NR6A1: variants seen among roughly 807,000 people sequenced by gnomAD.
NR6A1 encodes retinoic acid receptor-related testis-associated receptor.
A neutral mutation model predicts 59.1 loss-of-function variants in NR6A1; 7 were observed. The observed-to-expected ratio is 0.12, with a 90% confidence interval of 0.07 to 0.22. The LOEUF is 0.22. NR6A1 is among the 10% of genes least tolerant of loss of function. The pLI is 1.00. For synonymous variants in NR6A1, 243 were observed against 236.1 expected (o/e 1.03, Z -0.27); for missense variants, 468 against 611.6 (o/e 0.77, Z 2.48).
At chr9:124,761,372 G>A (rs1260667370) in intron 1 of NR6A1, among the ~76,000 whole-genome samples, 1 of 152,128 alleles carries the variant, frequency 6.6e-6, no homozygotes, top group Admixed American at 6.5e-5. Flanking sequence ...GTTCTGATGC[G>A]GTAACTCCTT....
intron 4 of NR6A1, among the ~76,000 whole-genome samples, 155 bp from the exon 5 acceptor site, chr9:124,540,342 G>A (rs79496241): frequency 0.01 from 1,582 of 152,204 alleles, 27 homozygotes; most frequent in African/African-American, 0.036. Context: ...ATCTTAGGAC[G>A]GCGTGGCTTC....
chr9:124,747,330 G>C (rs1410276997), intron 1 of NR6A1, among the ~76,000 whole-genome samples: 1 of 151,870 alleles, frequency 6.6e-6, no homozygotes, highest in Non-Finnish European at 1.5e-5. Flanking sequence ...GAGTAGCTGG[G>C]ACTACAATCA....
intron 2 of NR6A1, among the ~76,000 whole-genome samples, chr9:124,714,285 G>A (rs936395570): frequency 1.4e-4 from 22 of 152,184 alleles, no homozygotes; most frequent in Admixed American, 4.6e-4. Context: ...TGCAATATGA[G>A]AAGAGTTATG....
chr9:124,683,789 A>G (rs1439224391), intron 2 of NR6A1, among the ~76,000 whole-genome samples: 1 of 152,250 alleles, frequency 6.6e-6, no homozygotes, highest in East Asian at 1.9e-4. Flanking sequence ...GTGAAACTCC[A>G]TCTCAAAAAT....
chr9:124,519,079 A>G lies in NR6A1; in HGVS notation c.*3626T>C, dbSNP rs932634647. The G allele has an allele frequency of 3.3e-5, 5 of 152,242 alleles. No individual in the cohort carries two copies. The highest frequency in any genetic ancestry group is 5.9e-5 in the Non-Finnish European group (4 of 68,056). 9.4% of individuals were successfully genotyped at this position (152,242 alleles called of 1,614,324 possible). On this transcript the variant is annotated 3_prime_UTR_variant, in exon 10 of 10. Transcript: ENST00000487099. ...AAATGTAGGAAATGGGTAACAGAGC[A>G]ATGCACCTAGCTCAGAGCCCAGGAT...
At chr9:124,559,919 T>C (rs1485770830) in intron 2 of NR6A1, among the ~76,000 whole-genome samples, 1 of 152,256 alleles carries the variant, frequency 6.6e-6, no homozygotes, top group Admixed American at 6.5e-5. Flanking sequence ...TAATATCATT[T>C]AAGACTGAAT....
At chr9:124,747,586 A>T (rs1840371518) in intron 1 of NR6A1, among the ~76,000 whole-genome samples, 1 of 152,120 alleles carries the variant, frequency 6.6e-6, no homozygotes, top group Non-Finnish European at 1.5e-5. Flanking sequence ...CAGGATAAAT[A>T]ACCCATAGGC....
chr9:124,538,029 A>G, intron 6 of NR6A1, 63 bp downstream of exon 6: 1 of 1,375,948 alleles, frequency 7.3e-7, no homozygotes, highest in Non-Finnish European at 1.0e-6. Flanking sequence ...CAGGGACGCG[A>G]GTGGGTGTGG....
At chr9:124,665,483 C>T (rs1262860380) in intron 2 of NR6A1, among the ~76,000 whole-genome samples, 1 of 152,156 alleles carries the variant, frequency 6.6e-6, no homozygotes. Context: ...ACCACTCTCT[C>T]ATATAAAAAC....
chr9:124,546,313 G>A (rs1833599341), intron 3 of NR6A1, among the ~76,000 whole-genome samples: 1 of 152,188 alleles, frequency 6.6e-6, no homozygotes, highest in Admixed American at 6.5e-5. Flanking sequence ...AAACTAAAGA[G>A]CAGAATCAGG....
intron 2 of NR6A1, among the ~76,000 whole-genome samples, chr9:124,594,302 C>G (rs986795922): frequency 6.6e-6 from 1 of 152,184 alleles, no homozygotes; most frequent in Non-Finnish European, 1.5e-5. Context: ...CTAAGAAGAA[C>G]TGAAGTTTCA....
chr9:124,632,569 T>C (rs1017391433), intron 2 of NR6A1, among the ~76,000 whole-genome samples: 6 of 152,222 alleles, frequency 3.9e-5, no homozygotes, highest in Admixed American at 2.6e-4. Context: ...TAGACCTTTG[T>C]CAGATTACTG....
intron 1 of NR6A1, among the ~76,000 whole-genome samples, chr9:124,737,650 G>A (rs1282150415): frequency 6.6e-6 from 1 of 152,220 alleles, no homozygotes; most frequent in Non-Finnish European, 1.5e-5. Context: ...TGGATCACTT[G>A]AGGTCAGGAG....
chr9:124,718,221 G>C, intron 2 of NR6A1, among the ~76,000 whole-genome samples: 1 of 152,202 alleles, frequency 6.6e-6, no homozygotes, highest in South Asian at 2.1e-4. Flanking sequence ...CTTTCAGCAG[G>C]TATCCCTGCA....
chr9:124,661,225 C>G (rs1348553166), intron 2 of NR6A1, among the ~76,000 whole-genome samples: 2 of 152,098 alleles, frequency 1.3e-5, no homozygotes, highest in Non-Finnish European at 2.9e-5. Flanking sequence ...AGCTCCCTGG[C>G]TAAATCAGAA....
chr9:124,582,607 C>T (rs1035777895), intron 2 of NR6A1, among the ~76,000 whole-genome samples: 36 of 152,046 alleles, frequency 2.4e-4, no homozygotes, highest in Admixed American at 3.9e-4. Flanking sequence ...TGGTTCTGGG[C>T]CAGGTGGAGT....
chr9:124,722,940 C>G (rs149890956), intron 2 of NR6A1, among the ~76,000 whole-genome samples: 1 of 152,242 alleles, frequency 6.6e-6, no homozygotes, highest in East Asian at 1.9e-4. Flanking sequence ...AATCTGTCCA[C>G]CTTGGCCTCC....
intron 8 of NR6A1, among the ~76,000 whole-genome samples, chr9:124,525,695 C>CTATA (rs1311914722): frequency 1.1e-4 from 16 of 149,580 alleles, no homozygotes; most frequent in Admixed American, 4.0e-4. Flanking sequence ...CTCTCTCTCT[C>CTATA]TCTCTATATA....
At chr9:124,641,377 A>G (rs915466751) in intron 2 of NR6A1, among the ~76,000 whole-genome samples, 6 of 151,780 alleles carry the variant, frequency 4.0e-5, no homozygotes, top group Non-Finnish European at 7.4e-5. Context: ...AAAAAAAAGA[A>G]AAGAAGGAAA....
Sources: gnomAD v4.1 joint callset for allele counts (sites outside exome capture counted in the v4.1 genomes callset) on GRCh38, gnomAD v4.1.1 for gene constraint, MANE v1.5 for transcripts, NCBI Gene and HGNC (gene_info 2026-07-23, HGNC 2026-07-21) for gene names.